CTNND2: variants seen among roughly 807,000 people sequenced by gnomAD.
CTNND2 encodes catenin delta 2, also known as catenin delta-2.
Under a neutral mutation model 144.4 loss-of-function variants are expected in CTNND2, and 22 were observed. That is an observed-to-expected ratio of 0.15 (90% CI 0.11 to 0.22). CTNND2 has a LOEUF of 0.22. CTNND2 is among the 10% of genes least tolerant of loss of function. The pLI is 1.00. For synonymous variants in CTNND2, 751 were observed against 695.6 expected (o/e 1.08, Z -1.25); for missense variants, 1,353 against 1,618.8 (o/e 0.84, Z 2.82).
chr5:11,705,058 A>C (rs1460443545), intron 2 of CTNND2, among the ~76,000 whole-genome samples: 1 of 152,076 alleles, frequency 6.6e-6, no homozygotes, highest in Non-Finnish European at 1.5e-5. Flanking sequence ...AAACTGTCTG[A>C]AGATAAATCC....
At chr5:11,814,688 G>C (rs1437491149) in intron 1 of CTNND2, among the ~76,000 whole-genome samples, 1 of 152,180 alleles carries the variant, frequency 6.6e-6, no homozygotes, top group Admixed American at 6.5e-5. Flanking sequence ...CAAGGATCTT[G>C]CTAGCAATCC....
intron 14 of CTNND2, among the ~76,000 whole-genome samples, chr5:11,102,970 ATTTTTTTTTTTTT>A (rs778134907): frequency 1.2e-4 from 10 of 84,080 alleles, no homozygotes; most frequent in African/African-American, 2.6e-4. Context: ...TATTTAAAAG[ATTTTTTTTTTTTT>A]TTTTTTTTTT....
At position 11,825,208 on chromosome 5, in the gene CTNND2, T is replaced by C. The variant is rs561906478; in HGVS notation, c.37+78609A>G. Among the ~76,000 whole-genome samples the C allele has an allele frequency of 8.5e-5, 13 of 152,146 alleles. No homozygotes were observed. In the South Asian group the frequency reaches 2.7e-3, roughly 32 times the overall value. On this transcript the variant is annotated intron_variant, in intron 1 of 21. Coordinates refer to ENST00000304623, the MANE Select transcript of CTNND2 (RefSeq NM_001332.4). ...AACTTTAAAAGAACTACAGTTAATA[T>C]AGAAGAGGTGGGAACACGCACAAAG...
intron 8 of CTNND2, among the ~76,000 whole-genome samples, chr5:11,348,595 A>C (rs538260177): frequency 8.5e-5 from 13 of 152,296 alleles, no homozygotes; most frequent in Non-Finnish European, 1.8e-4. Flanking sequence ...ATCATTTGCT[A>C]TTAATGTATT....
chr5:11,229,193 C>T (rs1013885774), intron 10 of CTNND2, among the ~76,000 whole-genome samples: 1 of 152,048 alleles, frequency 6.6e-6, no homozygotes, highest in Admixed American at 6.5e-5. Flanking sequence ...TATAAAGTCA[C>T]ATAATAAAGT....
At chr5:11,583,768 G>C (rs1272633567) in intron 2 of CTNND2, among the ~76,000 whole-genome samples, 1 of 152,158 alleles carries the variant, frequency 6.6e-6, no homozygotes, top group Non-Finnish European at 1.5e-5. Context: ...TACACACCCA[G>C]AGATAAAATA....
chr5:11,681,006 G>A (rs896592240), intron 2 of CTNND2, among the ~76,000 whole-genome samples: 3 of 152,066 alleles, frequency 2.0e-5, no homozygotes, highest in African/African-American at 7.2e-5. Context: ...AGGATGAGAT[G>A]GAGGGCTGGG....
intron 2 of CTNND2, among the ~76,000 whole-genome samples, chr5:11,704,529 C>T (rs1785604133): frequency 6.6e-6 from 1 of 152,156 alleles, no homozygotes; most frequent in African/African-American, 2.4e-5. Flanking sequence ...ATCAGGAATA[C>T]AGCTCAAGTT....
chr5:11,160,282 A>T (rs1758641957), intron 11 of CTNND2, among the ~76,000 whole-genome samples: 1 of 152,228 alleles, frequency 6.6e-6, no homozygotes, highest in African/African-American at 2.4e-5. Context: ...AAGCAATTTA[A>T]ACTGTTGCCC....
chr5:11,627,786 C>T (rs900720762), intron 2 of CTNND2, among the ~76,000 whole-genome samples: 4 of 150,474 alleles, frequency 2.7e-5, no homozygotes, highest in Non-Finnish European at 4.4e-5. Context: ...TCACAATGTA[C>T]AATCAGTGAG....
chr5:11,188,093 C>T (rs2149810505), intron 11 of CTNND2, among the ~76,000 whole-genome samples: 1 of 152,222 alleles, frequency 6.6e-6, no homozygotes, highest in Middle Eastern at 3.4e-3. Context: ...CCAGCAATCC[C>T]ATTACTAAGT....
intron 2 of CTNND2, among the ~76,000 whole-genome samples, chr5:11,653,974 C>T (rs996283168): frequency 6.6e-5 from 10 of 151,958 alleles, no homozygotes; most frequent in Non-Finnish European, 1.2e-4. Flanking sequence ...ATCCAATTTT[C>T]CCAACACCAT....
At chr5:11,104,860 G>A (rs1752265853) in intron 14 of CTNND2, among the ~76,000 whole-genome samples, 1 of 152,234 alleles carries the variant, frequency 6.6e-6, no homozygotes, top group African/African-American at 2.4e-5. Flanking sequence ...CCGCATTAAA[G>A]AGGCAGGATG....
At chr5:10,994,226 A>G (rs1054434362) in intron 18 of CTNND2, among the ~76,000 whole-genome samples, 5 of 119,922 alleles carry the variant, frequency 4.2e-5, no homozygotes, top group Non-Finnish European at 8.5e-5. Flanking sequence ...TAGGGGATAG[A>G]CGAGCAGGGG....
chr5:11,096,802 A>G (rs1466374789), intron 15 of CTNND2, among the ~76,000 whole-genome samples: 1 of 147,924 alleles, frequency 6.8e-6, no homozygotes, highest in Non-Finnish European at 1.5e-5. Context: ...AGAGAGAGAG[A>G]CAGAGAGAGA....
intron 16 of CTNND2, among the ~76,000 whole-genome samples, chr5:11,078,859 C>T (rs1385007993): frequency 6.6e-6 from 1 of 152,210 alleles, no homozygotes; most frequent in Non-Finnish European, 1.5e-5. Flanking sequence ...CTACACAATT[C>T]ACAGATAACC....
intron 1 of CTNND2, among the ~76,000 whole-genome samples, chr5:11,797,672 A>C (rs1477779403): frequency 6.6e-6 from 1 of 152,226 alleles, no homozygotes; most frequent in African/African-American, 2.4e-5. Flanking sequence ...TTATGAAAAT[A>C]ATAAACAATT....
chr5:11,116,057 G>A (rs961738960), intron 13 of CTNND2, among the ~76,000 whole-genome samples: 1 of 152,180 alleles, frequency 6.6e-6, no homozygotes, highest in Non-Finnish European at 1.5e-5. Context: ...AATCTAAGAT[G>A]TACATCAAAT....
chr5:11,678,466 A>G (rs1784276402), intron 2 of CTNND2, among the ~76,000 whole-genome samples: 2 of 152,154 alleles, frequency 1.3e-5, no homozygotes, highest in African/African-American at 2.4e-5. Context: ...AGCGGCCACA[A>G]TGCTGACGAT....
Sources: gnomAD v4.1 joint callset for allele counts (sites outside exome capture counted in the v4.1 genomes callset) on GRCh38, gnomAD v4.1.1 for gene constraint, MANE v1.5 for transcripts, NCBI Gene and HGNC (gene_info 2026-07-23, HGNC 2026-07-21) for gene names.